The following LRIG2 variants were observed in gnomAD, a reference collection of about 807,000 sequenced individuals.
LRIG2 encodes leucine-rich repeats and immunoglobulin-like domains protein 2.
LRIG2 carries 93 observed loss-of-function variants against 107.8 expected under a neutral mutation model. That is an observed-to-expected ratio of 0.86 (90% confidence interval 0.73 to 1.03). The LOEUF is 1.03. Among genes scored for constraint, LRIG2 ranks in the 50% least tolerant of loss-of-function variants. The pLI is 0.00. For missense variants in LRIG2, 1,226 were observed against 1,296.0 expected (o/e 0.95, Z 0.83); for synonymous variants, 471 against 470.6 (o/e 1.00, Z -0.01).
intron 15 of LRIG2, among the ~76,000 whole-genome samples, chr1:113,115,336 T>A (rs1344203048): frequency 1.3e-5 from 2 of 152,090 alleles, no homozygotes; most frequent in African/African-American, 2.4e-5. Flanking sequence ...CATCTCGGCC[T>A]TCTGAGAAGC....
intron 1 of LRIG2, among the ~76,000 whole-genome samples, chr1:113,073,975 T>A (rs1392972979): frequency 8.7e-6 from 1 of 115,058 alleles, no homozygotes. Flanking sequence ...CTTTGGATGG[T>A]TGGTGGGGCG....
Position 113,096,371 on chromosome 1 carries a change from T to C in LRIG2, c.1091+6T>C. ...CTTTCCAATCTTCAGACATTGTAAG[T>C]ATATCCATTCTCCTTTTTGGTTGTT... On this transcript the variant is annotated splice_donor_region_variant and intron_variant, in intron 8 of 17. Transcript: ENST00000361127. 1.2e-6 allele frequency: 2 copies of C among 1,608,720 alleles called. No homozygotes were observed. Among genetic ancestry groups the C allele is most frequent in the Non-Finnish European group, 1.7e-6 (2 of 1,178,282 alleles).
At chr1:113,119,655 A>AAC in intron 17 of LRIG2, 132 bp downstream of exon 17, 1 of 762,182 alleles carries the variant, frequency 1.3e-6, no homozygotes, top group Non-Finnish European at 2.1e-6. Context: ...GGCCATTGTT[A>AAC]AATGGTATAA....
intron 13 of LRIG2, among the ~76,000 whole-genome samples, 196 bp downstream of exon 13, chr1:113,110,758 G>A (rs1269034834): frequency 6.6e-6 from 1 of 152,152 alleles, no homozygotes; most frequent in Non-Finnish European, 1.5e-5. Context: ...TCTCTAATTG[G>A]TCTTTGGTTG....
chr1:113,094,359 T>A lies in LRIG2; in HGVS notation c.536T>A (p.Ile179Lys), dbSNP rs778592928. ...TTTAGGAATTTAAGTAATAACAGAA[T>A]AACCACCTTGGAGGCTGGTTGCTTC... The part of the protein sequence containing the change: ...LKYLNLSNNR[I>K]TTLEAGCFDN... The change falls in exon 5 of 18, where the codon ATA becomes AAA. Residue 179 changes from isoleucine to lysine, a missense_variant. By Grantham distance (102) the Ile-to-Lys change is moderately radical (BLOSUM62 -3). Transcript: ENST00000361127. 2 of 1,607,302 alleles carry A rather than the reference T, an allele frequency of 1.2e-6. No individual in the cohort carries two copies. The highest frequency in any genetic ancestry group is 2.3e-5 in the South Asian group (2 of 88,724).
At chr1:113,091,662 T>C (rs889697401) in intron 2 of LRIG2, among the ~76,000 whole-genome samples, 1 of 152,224 alleles carries the variant, frequency 6.6e-6, no homozygotes, top group African/African-American at 2.4e-5. Context: ...TAAATGTGTT[T>C]TGATTTTGGC....
At chr1:113,094,195 A>G in intron 4 of LRIG2, 144 bp from the exon 5 acceptor site, 2 of 559,360 alleles carry the variant, frequency 3.6e-6, no homozygotes, top group Non-Finnish European at 6.2e-6. Context: ...ATGAAGAAAC[A>G]GAGCAGTTAA....
In LRIG2 at chr1:113,073,528, G is replaced by T. The variant is rs1333728057; in HGVS notation, c.122G>T (p.Gly41Val). 1 of 1,613,948 alleles carries T rather than the reference G, an allele frequency of 6.2e-7. No individual in the cohort carries two copies. The part of the protein sequence containing the change: ...ALLLLPAAGA[G>V]LCPAPCSCRI... ...CTCCTGTTGCCCGCCGCCGGAGCAG[G>T]TCTCTGCCCCGCGCCCTGCTCCTGC... The change falls in exon 1 of 18, where the codon GGT becomes GTT. Residue 41 changes from glycine to valine, a missense_variant. Gly to Val is a moderately radical substitution (Grantham distance 109). Coordinates refer to ENST00000361127, the MANE Select transcript of LRIG2 (RefSeq NM_014813.3).
chr1:113,103,492 C>G (rs926441135), intron 11 of LRIG2: 1 of 152,294 alleles, frequency 6.6e-6, no homozygotes, highest in African/African-American at 2.4e-5. Flanking sequence ...AACCCAGTCT[C>G]TCTCCCCAGC....
At chr1:113,092,916 G>A (rs796745974) in intron 2 of LRIG2, among the ~76,000 whole-genome samples, 52 of 151,748 alleles carry the variant, frequency 3.4e-4, no homozygotes, top group African/African-American at 1.2e-3. Context: ...TTGAACCCAG[G>A]AGGCAGAGGT....
At chr1:113,073,683 G>A in intron 1 of LRIG2, 38 bp downstream of exon 1, 1 of 1,578,462 alleles carries the variant, frequency 6.3e-7, no homozygotes, top group Non-Finnish European at 8.6e-7. Flanking sequence ...CAAAAGGAGG[G>A]GGAGCCTTCC....
chr1:113,092,421 G>C (rs1226464210), intron 2 of LRIG2, among the ~76,000 whole-genome samples: 1 of 152,126 alleles, frequency 6.6e-6, no homozygotes, highest in Admixed American at 6.5e-5. Context: ...TTCCATCTCT[G>C]GGTGGGCTGA....
At chr1:113,086,222 C>T (rs1653546082) in intron 1 of LRIG2, among the ~76,000 whole-genome samples, 1 of 151,806 alleles carries the variant, frequency 6.6e-6, no homozygotes, top group South Asian at 2.1e-4. Context: ...CAAGGCTGGT[C>T]TTGAACTCCT....
At chr1:113,112,313 T>C (rs1316315616) in intron 13 of LRIG2, among the ~76,000 whole-genome samples, 166 bp from the exon 14 acceptor site, 1 of 152,122 alleles carries the variant, frequency 6.6e-6, no homozygotes, top group Non-Finnish European at 1.5e-5. Context: ...TTTTGTTTTT[T>C]TAAATTTATA....
intron 1 of LRIG2, among the ~76,000 whole-genome samples, chr1:113,076,636 C>A (rs551826858): frequency 6.6e-6 from 1 of 152,236 alleles, no homozygotes; most frequent in South Asian, 2.1e-4. Context: ...ATAAAACCAC[C>A]CAGTACATTT....
At position 113,107,624 on chromosome 1, in the gene LRIG2, C is replaced by A. The variant is rs1654593152; in HGVS notation, c.1344C>A (p.Asp448Glu). ...TGAACACAAGCAGTTTGCTCTGTGA[C>A]TGCCATTTGAAGTGGCTACTTCAAT... ...LILNTSSLLC[D>E]CHLKWLLQWL... The change falls in exon 12 of 18, where the codon GAC (aspartate) becomes GAA (glutamate). Residue 448 changes from aspartate to glutamate, a missense_variant. Asp to Glu is a conservative substitution (Grantham distance 45). This residue lies in a region of LRIG2 where 570 missense variants were observed against 550.2 expected (regional missense o/e 1.04). Coordinates refer to ENST00000361127, the MANE Select transcript of LRIG2 (RefSeq NM_014813.3). 1.9e-6 allele frequency: 3 copies of A among 1,612,620 alleles called. No homozygotes were observed.
chr1:113,081,393 A>G (rs1167642289), intron 1 of LRIG2, among the ~76,000 whole-genome samples: 3 of 148,316 alleles, frequency 2.0e-5, no homozygotes, highest in African/African-American at 7.4e-5. Context: ...TATACTGGTC[A>G]CCCATTTCTA....
intron 13 of LRIG2, 109 bp downstream of exon 13, chr1:113,110,671 A>C: frequency 1.3e-6 from 1 of 799,998 alleles, no homozygotes; most frequent in Non-Finnish European, 2.0e-6. Flanking sequence ...TAGGACTCTT[A>C]CTGTTATTGT....
At chr1:113,109,416 A>G (rs1654676356) in intron 12 of LRIG2, among the ~76,000 whole-genome samples, 1 of 152,256 alleles carries the variant, frequency 6.6e-6, no homozygotes, top group Non-Finnish European at 1.5e-5. Context: ...GTGCACATAC[A>G]AAATGCTTTC....
Sources: allele counts gnomAD v4.1 joint callset (sites outside exome capture counted in the v4.1 genomes callset), GRCh38; gene constraint gnomAD v4.1.1; regional missense constraint gnomAD v4.1.1; transcripts MANE v1.5; gene names NCBI Gene and HGNC (gene_info 2026-07-23, HGNC 2026-07-21).